SEMA4D: variants seen among roughly 807,000 people sequenced by gnomAD.
SEMA4D encodes the protein semaphorin-4D.
A neutral mutation model predicts 74.8 loss-of-function variants in SEMA4D; 22 were observed. That is an observed-to-expected ratio of 0.29 (90% CI 0.21 to 0.42). The LOEUF (loss-of-function observed/expected upper bound fraction) is 0.42, where lower values mean the gene tolerates loss of function less well. Ranked by LOEUF, SEMA4D falls within the 10% of genes least tolerant of loss-of-function variation. The pLI is 1.00. For synonymous variants in SEMA4D, 445 were observed against 463.7 expected (o/e 0.96, Z 0.52); for missense variants, 937 against 1,118.4 (o/e 0.84, Z 2.31).
intron 13 of SEMA4D, chr9:89,385,463 A>C: frequency 1.0e-6 from 1 of 985,276 alleles, no homozygotes; most frequent in Non-Finnish European, 1.2e-6. Context: ...CGACCCTTCA[A>C]ATCTCCAGGG....
chr9:89,497,581 C>T (rs1826131091), intron 1 of SEMA4D: 2 of 152,216 alleles, frequency 1.3e-5, no homozygotes, highest in African/African-American at 4.8e-5. Context: ...GCCCCCGCTC[C>T]CCCGCGCCCA....
At position 89,438,964 on chromosome 9, in the gene SEMA4D, C is replaced by CTTTTT. The variant is rs57394947; in HGVS notation, c.-244+16919_-244+16923dup. On this transcript the variant is annotated intron_variant, in intron 2 of 15. Transcript: ENST00000422704. ...ATAGGTGTGAGCCACCGCACCGGGCCTTTTTTTTTTTTTTTTTTTTTTTTT... is the reference window on the plus strand; with the variant it reads ...ATAGGTGTGAGCCACCGCACCGGGCCTTTTTTTTTTTTTTTTTTTTTTTTTTTTTT... Among the ~76,000 whole-genome samples the CTTTTT allele has an allele frequency of 4.2e-4, 16 of 38,214 alleles. 1 individual carries two copies. Among genetic ancestry groups the CTTTTT allele is most frequent in the African/African-American group, 1.7e-3 (15 of 8,608 alleles). The allele number at this position is 38,214 out of a possible 152,430, so 25.1% of individuals were successfully genotyped here.
At chr9:89,409,335 T>C (rs1844010836) in intron 2 of SEMA4D, among the ~76,000 whole-genome samples, 1 of 152,064 alleles carries the variant, frequency 6.6e-6, no homozygotes, top group South Asian at 2.1e-4. Flanking sequence ...GGTGGACACA[T>C]GTCAGTATGC....
chr9:89,447,025 T>A (rs971182288), intron 2 of SEMA4D, among the ~76,000 whole-genome samples: 3 of 152,058 alleles, frequency 2.0e-5, no homozygotes, highest in African/African-American at 7.2e-5. Context: ...TCTGTCCATC[T>A]CATCTCCCAG....
intron 1 of SEMA4D, among the ~76,000 whole-genome samples, chr9:89,466,505 A>C (rs1181982597): frequency 6.6e-6 from 1 of 152,088 alleles, no homozygotes; most frequent in African/African-American, 2.4e-5. Context: ...CTCCATATGT[A>C]CCGAGGGCTG....
Position 89,393,604 on chromosome 9 carries a change from A to C in SEMA4D, c.466T>G (p.Cys156Gly). 6.2e-7 allele frequency: 1 copy of C among 1,614,252 alleles called. No individual in the cohort carries two copies. The highest frequency in any genetic ancestry group is 1.7e-5 in the Admixed American group (1 of 60,028). The change falls in exon 7 of 16, where the codon TGT becomes GGT. Residue 156 changes from cysteine to glycine, a missense_variant. Cys to Gly is a radical substitution (Grantham distance 159). Coordinates refer to ENST00000422704, the MANE Select transcript of SEMA4D (RefSeq NM_001371194.2). Reference sequence around the variant, plus strand: ...TAGCTGTGTGCTGGGTCAAAGGGACATCTTCCTTTGCCATCTTCATTTTTC... The same window carrying C: ...TAGCTGTGTGCTGGGTCAAAGGGACCTCTTCCTTTGCCATCTTCATTTTTC... ...LGKNEDGKGR[C>G]PFDPAHSYTS...
chr9:89,420,535 C>T (rs561869513), intron 2 of SEMA4D, among the ~76,000 whole-genome samples: 6 of 152,222 alleles, frequency 3.9e-5, no homozygotes, highest in Admixed American at 2.6e-4. Context: ...GGGGCTCCAA[C>T]GCCCAGGCCT....
At chr9:89,432,518 T>C (rs4078338) in intron 2 of SEMA4D, among the ~76,000 whole-genome samples, 106,484 of 152,164 alleles carry the variant, frequency 0.7, 37,836 homozygotes, top group African/African-American at 0.79. Context: ...GAGTGCCCTG[T>C]CTCTATCTCT....
intron 2 of SEMA4D, among the ~76,000 whole-genome samples, chr9:89,407,787 G>A (rs769633544): frequency 4.6e-5 from 7 of 152,122 alleles, no homozygotes; most frequent in African/African-American, 9.7e-5. Flanking sequence ...CACAGGGCTC[G>A]GCCCCTCTGC....
chr9:89,478,955 A>G (rs1435371055), intron 1 of SEMA4D, among the ~76,000 whole-genome samples: 1 of 152,156 alleles, frequency 6.6e-6, no homozygotes, highest in Non-Finnish European at 1.5e-5. Context: ...CTCTGCTCCA[A>G]TGTCCAAGGA....
At chr9:89,441,266 G>A (rs1402584368) in intron 2 of SEMA4D, among the ~76,000 whole-genome samples, 4 of 152,274 alleles carry the variant, frequency 2.6e-5, no homozygotes, top group African/African-American at 9.6e-5. Context: ...CACACGCGCA[G>A]GACTCGGCCG....
At chr9:89,384,547 T>C (rs1837976161) in intron 13 of SEMA4D, 1 of 560,570 alleles carries the variant, frequency 1.8e-6, no homozygotes, top group East Asian at 1.4e-4. Context: ...AAAAGCACCC[T>C]GCAGACAGAC....
chr9:89,369,881 T>C (rs1564492663), intron 16 of SEMA4D, among the ~76,000 whole-genome samples: 1 of 151,532 alleles, frequency 6.6e-6, no homozygotes, highest in Non-Finnish European at 1.5e-5. Context: ...TGTGTGTGTG[T>C]GTATGGTTGT....
intron 2 of SEMA4D, among the ~76,000 whole-genome samples, chr9:89,422,408 G>T (rs891721117): frequency 1.4e-4 from 21 of 152,220 alleles, no homozygotes; most frequent in African/African-American, 4.6e-4. Context: ...CGGTTGGGGG[G>T]CCCTGCTGGC....
chr9:89,392,544 G>T lies in SEMA4D; in HGVS notation c.509-8C>A. ...CCGAATAAAGTTCTCCATCTGCAGG[G>T]GCCCAGAAGAAAAGAGGAAAAGGGA... On this transcript the variant is annotated splice_region_variant and splice_polypyrimidine_tract_variant and intron_variant, in intron 7 of 15. Coordinates refer to ENST00000422704, the MANE Select transcript of SEMA4D (RefSeq NM_001371194.2). The T allele has an allele frequency of 2.5e-6, 4 of 1,593,854 alleles. No individual in the cohort carries two copies. In the South Asian group the frequency reaches 4.4e-5, roughly 18 times the overall value.
At chr9:89,457,647 G>A (rs1354399334) in intron 1 of SEMA4D, among the ~76,000 whole-genome samples, 2 of 151,186 alleles carry the variant, frequency 1.3e-5, no homozygotes, top group African/African-American at 4.9e-5. Flanking sequence ...TGGGAGGATT[G>A]CTTGAGCCCA....
At chr9:89,430,125 C>T (rs936117101) in intron 2 of SEMA4D, among the ~76,000 whole-genome samples, 3 of 151,936 alleles carry the variant, frequency 2.0e-5, no homozygotes. Context: ...CTGCAAATGA[C>T]AGAAAGTTCT....
At chr9:89,481,934 G>A (rs1028089959) in intron 1 of SEMA4D, among the ~76,000 whole-genome samples, 4 of 152,262 alleles carry the variant, frequency 2.6e-5, no homozygotes, top group African/African-American at 9.6e-5. Flanking sequence ...CAGAAGGAAG[G>A]AGGAGATGGA....
chr9:89,468,843 A>G (rs1161856865), intron 1 of SEMA4D, among the ~76,000 whole-genome samples: 4 of 152,096 alleles, frequency 2.6e-5, no homozygotes, highest in Non-Finnish European at 4.4e-5. Context: ...GGTAGCTCCT[A>G]TTAACTTACC....
Sources: gnomAD v4.1 joint callset for allele counts (sites outside exome capture counted in the v4.1 genomes callset) on GRCh38, gnomAD v4.1.1 for gene constraint, MANE v1.5 for transcripts, NCBI Gene and HGNC (gene_info 2026-07-23, HGNC 2026-07-21) for gene names.